Variants in TASP1 observed in about 807,000 individuals in gnomAD.
TASP1 encodes threonine aspartase 1.
In TASP1, 16 loss-of-function variants were observed where a neutral mutation model predicts 56.6. The ratio of observed to expected loss-of-function variants is 0.28; its 90% CI spans 0.19 to 0.43. TASP1 has a LOEUF of 0.43. Among genes scored for constraint, TASP1 ranks in the 20% least tolerant of loss-of-function variants. The pLI is 1.00. For missense variants in TASP1, 393 were observed against 511.6 expected (o/e 0.77, Z 2.24); for synonymous variants, 179 against 184.2 (o/e 0.97, Z 0.23).
At position 13,516,706 on chromosome 20, in the gene TASP1, A is replaced by T. The variant is rs1467441043; in HGVS notation, c.874+11727T>A. ...ACATTTCTTCACCTTGTGTTTTAAA[A>T]TTAGAAGTCTGTTCTTTCACAAAAC... On this transcript the variant is annotated intron_variant, in intron 10 of 13. Coordinates refer to ENST00000337743, the MANE Select transcript of TASP1 (RefSeq NM_017714.3). 5.4e-5 allele frequency among the ~76,000 whole-genome samples: 8 copies of T among 147,238 alleles called. No individual in the cohort carries two copies. In the South Asian group the frequency reaches 1.7e-3, roughly 31 times the overall value.
At chr20:13,488,653 T>C (rs2043413386) in intron 10 of TASP1, among the ~76,000 whole-genome samples, 2 of 152,166 alleles carry the variant, frequency 1.3e-5, no homozygotes, top group Admixed American at 1.3e-4. Flanking sequence ...GCTTTTGCTA[T>C]TCTGATATCC....
chr20:13,137,109 T>C, the TASP1 span, among the ~76,000 whole-genome samples: 1 of 119,676 alleles, frequency 8.4e-6, no homozygotes, highest in Non-Finnish European at 1.9e-5. Flanking sequence ...GAAGTTCCTC[T>C]TCAATCTGGG....
chr20:13,121,491 C>G, the TASP1 span, among the ~76,000 whole-genome samples: 6 of 152,182 alleles, frequency 3.9e-5, no homozygotes, highest in South Asian at 4.1e-4. Context: ...AAAGGCCACC[C>G]TTGCCCTTGA....
the TASP1 span, among the ~76,000 whole-genome samples, chr20:13,314,242 T>C: frequency 1.3e-5 from 2 of 152,104 alleles, no homozygotes; most frequent in Admixed American, 6.5e-5. Context: ...CTCAAATTAA[T>C]GGCAAACATA....
chr20:13,406,668 C>CTTTTTT (rs149352395), intron 13 of TASP1, among the ~76,000 whole-genome samples: 1 of 117,692 alleles, frequency 8.5e-6, no homozygotes. Flanking sequence ...AGGGTTTTTT[C>CTTTTTT]TTTTTTTTTT....
chr20:13,121,801 GAA>G, the TASP1 span, among the ~76,000 whole-genome samples: 1 of 152,286 alleles, frequency 6.6e-6, no homozygotes, highest in African/African-American at 2.4e-5. Flanking sequence ...GACCCTGAGA[GAA>G]AGCAAACTCA....
the TASP1 span, among the ~76,000 whole-genome samples, chr20:13,347,339 A>G: frequency 6.6e-6 from 1 of 152,186 alleles, no homozygotes; most frequent in Non-Finnish European, 1.5e-5. Flanking sequence ...ACATTAACAC[A>G]CAAGTAGATG....
the TASP1 span, among the ~76,000 whole-genome samples, chr20:13,177,222 C>A: frequency 2.0e-5 from 3 of 151,288 alleles, no homozygotes; most frequent in Non-Finnish European, 2.9e-5. Context: ...GCCTGGGTGA[C>A]AGAGTGAGAC....
intron 4 of TASP1, among the ~76,000 whole-genome samples, chr20:13,595,769 TA>T (rs2047705729): frequency 6.6e-6 from 1 of 152,066 alleles, no homozygotes; most frequent in Admixed American, 6.6e-5. Context: ...TCCCACACAA[TA>T]ATAATGGGAG....
chr20:13,587,543 C>G (rs1217479659), intron 4 of TASP1, among the ~76,000 whole-genome samples, 173 bp from the exon 5 acceptor site: 2 of 151,816 alleles, frequency 1.3e-5, no homozygotes, highest in Non-Finnish European at 2.9e-5. Flanking sequence ...CAGCAAAGTA[C>G]AGATCAATAT....
At chr20:13,202,912 A>G in the TASP1 span, among the ~76,000 whole-genome samples, 1 of 152,360 alleles carries the variant, frequency 6.6e-6, no homozygotes, top group East Asian at 1.9e-4. Context: ...CATCCAGTTA[A>G]GCTATAGTTC....
intron 12 of TASP1, among the ~76,000 whole-genome samples, chr20:13,428,320 T>A (rs1287375515): frequency 6.6e-6 from 1 of 152,184 alleles, no homozygotes; most frequent in Non-Finnish European, 1.5e-5. Flanking sequence ...TATATTCTAA[T>A]TACCTGTATC....
intron 1 of TASP1, among the ~76,000 whole-genome samples, chr20:13,634,643 T>C (rs2049223930): frequency 6.7e-6 from 1 of 149,490 alleles, no homozygotes; most frequent in African/African-American, 2.5e-5. Context: ...GACAGGAGAA[T>C]CGCTTGAACC....
At chr20:13,632,662 A>G (rs2049142475) in intron 1 of TASP1, among the ~76,000 whole-genome samples, 1 of 152,190 alleles carries the variant, frequency 6.6e-6, no homozygotes, top group Non-Finnish European at 1.5e-5. Context: ...CTGGGAAAGG[A>G]ACTCAACTAA....
chr20:13,485,587 C>T (rs987118858), intron 10 of TASP1, among the ~76,000 whole-genome samples: 2 of 152,162 alleles, frequency 1.3e-5, no homozygotes, highest in African/African-American at 2.4e-5. Context: ...TGAATACCTA[C>T]ACTTCAAGGA....
the TASP1 span, among the ~76,000 whole-genome samples, chr20:13,195,519 G>C: frequency 6.6e-6 from 1 of 152,238 alleles, no homozygotes; most frequent in Admixed American, 6.5e-5. Context: ...GATCATTCTG[G>C]CGTGTTTTTC....
At chr20:13,390,920 C>T (rs1260148504) in intron 13 of TASP1, among the ~76,000 whole-genome samples, 1 of 152,046 alleles carries the variant, frequency 6.6e-6, no homozygotes, top group East Asian at 1.9e-4. Flanking sequence ...TACAAAAACT[C>T]AGATAATTCA....
At position 13,389,671 on chromosome 20, in the gene TASP1, A is replaced by C. The variant is rs2123548738; in HGVS notation, c.*689T>G. 6.5e-6 allele frequency: 1 copy of C among 152,856 alleles called. No individual in the cohort carries two copies. The highest frequency in any genetic ancestry group is 1.9e-4 in the East Asian group (1 of 5,186). 9.5% of individuals were successfully genotyped at this position (152,856 alleles called of 1,614,324 possible). On this transcript the variant is annotated 3_prime_UTR_variant, in exon 14 of 14. Coordinates refer to ENST00000337743, the MANE Select transcript of TASP1 (RefSeq NM_017714.3). The stretch of plus-strand genomic sequence containing the variant: ...ACAGCTCGAAGCTATGCAATATTTA[A>C]GCTTAGAAAAGCTTGATGAAATAAG...
chr20:13,305,772 A>G, the TASP1 span, among the ~76,000 whole-genome samples: 1 of 152,228 alleles, frequency 6.6e-6, no homozygotes, highest in African/African-American at 2.4e-5. Context: ...TAAGGAACGA[A>G]TTTATGAGAC....
Sources: allele counts gnomAD v4.1 joint callset (sites outside exome capture counted in the v4.1 genomes callset), GRCh38; gene constraint gnomAD v4.1.1; transcripts MANE v1.5; gene names NCBI Gene and HGNC (gene_info 2026-07-23, HGNC 2026-07-21).